HSD17B4: variants seen among roughly 807,000 people sequenced by gnomAD.
HSD17B4 encodes the protein hydroxysteroid 17-beta dehydrogenase 4.
HSD17B4 carries 70 observed loss-of-function variants against 101.0 expected under a neutral mutation model. That is an observed-to-expected ratio of 0.69 (90% CI 0.57 to 0.85). The LOEUF (loss-of-function observed/expected upper bound fraction) is 0.85, where lower values mean the gene tolerates loss of function less well. Ranked by LOEUF, HSD17B4 falls within the 40% of genes least tolerant of loss-of-function variation. The pLI is 0.00. For missense variants in HSD17B4, 984 were observed against 892.4 expected, an observed-to-expected ratio of 1.10 and a Z score of -1.31; for synonymous variants, 347 against 297.1, an observed-to-expected ratio of 1.17 and a Z score of -1.73.
At chr5:119,456,166 T>G (rs1580493558) in intron 1 of HSD17B4, 149 bp from the exon 2 acceptor site, 1 of 706,330 alleles carries the variant, frequency 1.4e-6, no homozygotes. Context: ...AGTGGATAGG[T>G]TGAGAATGTC....
Position 119,531,319 on chromosome 5 carries a change from G to C in HSD17B4, c.1908G>C (p.Lys636Asn). Residue 636 changes from lysine (K) to asparagine (N), a missense_variant, in exon 22 of 24, where the codon AAG becomes AAC. Coordinates refer to ENST00000510025, the MANE Select transcript of HSD17B4 (RefSeq NM_000414.4). ...FVFEEIGRRL[K>N]DIGPEVVKKV... is the part of the protein sequence containing the mutation. ...TTGAGGAAATAGGACGCCGCCTAAA[G>C]GATATTGGGCCTGAGGTGGTGAAGA... The C allele has an allele frequency of 6.2e-7, 1 of 1,613,118 alleles. No homozygotes were observed. Among genetic ancestry groups the C allele is most frequent in the Non-Finnish European group, 8.5e-7 (1 of 1,179,226 alleles).
At chr5:119,537,958 A>G (rs969446088) in intron 23 of HSD17B4, among the ~76,000 whole-genome samples, 1 of 152,120 alleles carries the variant, frequency 6.6e-6, no homozygotes, top group African/African-American at 2.4e-5. Flanking sequence ...AGAGATTTGA[A>G]CAGAGTATCA....
intron 22 of HSD17B4, 30 bp downstream of exon 22, chr5:119,531,434 C>G: frequency 1.3e-6 from 2 of 1,592,882 alleles, no homozygotes; most frequent in Non-Finnish European, 1.7e-6. Context: ...TTATAATATT[C>G]TAAGGTAATT....
At chr5:119,479,959 C>T (rs2126707027) in intron 8 of HSD17B4, among the ~76,000 whole-genome samples, 1 of 152,234 alleles carries the variant, frequency 6.6e-6, no homozygotes, top group African/African-American at 2.4e-5. Context: ...TTCCCACCAG[C>T]AATTAATGAG....
At chr5:119,477,536 G>A (rs779851816) in intron 7 of HSD17B4, 35 bp downstream of exon 7, 1 of 1,418,230 alleles carries the variant, frequency 7.1e-7, no homozygotes, top group Non-Finnish European at 1.0e-6. Context: ...GGGGATTTAA[G>A]ATGTTGTGTC....
At chr5:119,516,104 G>A (rs1752591502) in intron 17 of HSD17B4, among the ~76,000 whole-genome samples, 1 of 152,144 alleles carries the variant, frequency 6.6e-6, no homozygotes, top group African/African-American at 2.4e-5. Flanking sequence ...ATAAGCCAGA[G>A]AGAATTAAAG....
At chr5:119,522,077 C>G (rs1426121959) in intron 17 of HSD17B4, among the ~76,000 whole-genome samples, 1 of 151,756 alleles carries the variant, frequency 6.6e-6, no homozygotes, top group African/African-American at 2.4e-5. Flanking sequence ...CTAATGATAT[C>G]CCTCCCTCCT....
intron 17 of HSD17B4, among the ~76,000 whole-genome samples, chr5:119,517,882 G>A (rs1752774609): frequency 2.0e-5 from 3 of 152,170 alleles, no homozygotes; most frequent in African/African-American, 4.8e-5. Context: ...TCTGTATTTA[G>A]CTACTCTGGT....
Position 119,499,255 on chromosome 5 carries a change from A to T in HSD17B4, c.973-62A>T. 9.8e-6 allele frequency: 11 copies of T among 1,119,758 alleles called. No homozygotes were observed. In the South Asian group the frequency reaches 1.4e-4, roughly 14 times the overall value. The allele number at this position is 1,119,758 out of a possible 1,614,324, so 69.4% of individuals were successfully genotyped here. On this transcript the variant is annotated intron_variant, in intron 12 of 23. Coordinates refer to ENST00000510025, the MANE Select transcript of HSD17B4 (RefSeq NM_000414.4). Reference sequence around the variant, plus strand: ...TATTCAAAAACAAAACTAGGTATGTAAGAAGTTAATAGTTTTGAAAAGTTA... The same window carrying T: ...TATTCAAAAACAAAACTAGGTATGTTAGAAGTTAATAGTTTTGAAAAGTTA...
At chr5:119,499,266 A>AC in intron 12 of HSD17B4, 51 bp from the exon 13 acceptor site, 1 of 1,247,158 alleles carries the variant, frequency 8.0e-7, no homozygotes, top group Non-Finnish European at 1.2e-6. Flanking sequence ...AGAAGTTAAT[A>AC]GTTTTGAAAA....
intron 20 of HSD17B4, among the ~76,000 whole-genome samples, chr5:119,529,207 A>C (rs185862302): frequency 1.2e-4 from 19 of 152,288 alleles, no homozygotes; most frequent in Non-Finnish European, 1.2e-4. Context: ...AACTTATCCT[A>C]TACATTTGTA....
intron 9 of HSD17B4, among the ~76,000 whole-genome samples, chr5:119,491,461 CTTT>C (rs11308278): frequency 3.8e-5 from 5 of 131,482 alleles, no homozygotes; most frequent in East Asian, 2.2e-4. Context: ...ACTCATCAGA[CTTT>C]TTTTTTTTTT....
chr5:119,502,523 TAAAAAC>T (rs1751266424), intron 14 of HSD17B4, among the ~76,000 whole-genome samples: 1 of 108,566 alleles, frequency 9.2e-6, no homozygotes, highest in African/African-American at 3.3e-5. Context: ...TTGGAGAAAA[TAAAAAC>T]AAGTCTTTAA....
At chr5:119,468,304 G>A (rs1243877328) in intron 2 of HSD17B4, among the ~76,000 whole-genome samples, 1 of 151,948 alleles carries the variant, frequency 6.6e-6, no homozygotes, top group African/African-American at 2.4e-5. Flanking sequence ...GGGTCTAGTG[G>A]TGATAAATTC....
intron 17 of HSD17B4, among the ~76,000 whole-genome samples, chr5:119,519,587 G>A (rs77421738): frequency 0.01 from 1,541 of 152,286 alleles, 29 homozygotes; most frequent in African/African-American, 0.035. Context: ...CTTACTATCT[G>A]ATGGGATCAT....
rs199680208 is a variant in HSD17B4, at chr5:119,541,889, C to G, written c.2122-16C>G. 1 of 1,541,436 alleles carries G rather than the reference C, an allele frequency of 6.5e-7. No individual in the cohort carries two copies. Among genetic ancestry groups the G allele is most frequent in the East Asian group, 2.3e-5 (1 of 44,428 alleles). On this transcript the variant is annotated splice_polypyrimidine_tract_variant and intron_variant, in intron 23 of 23. Transcript: ENST00000510025. ...ATGGTAACAGTTGGCACTCTTTTTC[C>G]CTCCTCTCCTTGCAGGCATTCTTTA... is the stretch of plus-strand genomic sequence containing the variant.
At chr5:119,462,419 G>A (rs1264013192) in intron 2 of HSD17B4, among the ~76,000 whole-genome samples, 8 of 151,690 alleles carry the variant, frequency 5.3e-5, no homozygotes, top group Admixed American at 1.3e-4. Flanking sequence ...CCCGTGGTAG[G>A]ATAATCTTTT....
chr5:119,490,240 G>T (rs1025836681), intron 9 of HSD17B4, among the ~76,000 whole-genome samples: 3 of 152,138 alleles, frequency 2.0e-5, no homozygotes, highest in Non-Finnish European at 4.4e-5. Context: ...TGTGAATTGT[G>T]GCATAGTAGA....
chr5:119,534,140 G>T (rs1343063193), intron 22 of HSD17B4, among the ~76,000 whole-genome samples: 1 of 151,984 alleles, frequency 6.6e-6, no homozygotes, highest in African/African-American at 2.4e-5. Context: ...TGAGCAGTTT[G>T]GTTGTTTTCC....
Sources: allele counts gnomAD v4.1 joint callset (sites outside exome capture counted in the v4.1 genomes callset), GRCh38; gene constraint gnomAD v4.1.1; transcripts MANE v1.5; gene names NCBI Gene and HGNC (gene_info 2026-07-23, HGNC 2026-07-21).